Variants in AP3S2 observed in about 807,000 individuals in gnomAD.
The protein encoded by AP3S2 is adaptor related protein complex 3 subunit sigma 2, also known as AP-3 complex subunit sigma-2.
A neutral mutation model predicts 23.4 loss-of-function variants in AP3S2; 22 were observed. That is an observed-to-expected ratio of 0.94 (90% CI 0.67 to 1.34). The LOEUF (loss-of-function observed/expected upper bound fraction) is 1.34, where lower values mean the gene tolerates loss of function less well. AP3S2 is among the 40% of genes most tolerant of loss of function. The pLI is 0.00. For synonymous variants in AP3S2, 86 were observed against 87.1 expected, an observed-to-expected ratio of 0.99 and a Z score of 0.07; for missense variants, 241 against 236.9, an observed-to-expected ratio of 1.02 and a Z score of -0.11.
In AP3S2 at chr15:89,858,513, GAGAGAGAGAGAGAA is replaced by G. The variant is rs1482409642; in HGVS notation, c.345+12948_345+12961del. On this transcript the variant is annotated intron_variant, in intron 4 of 5. Coordinates refer to ENST00000336418, the MANE Select transcript of AP3S2 (RefSeq NM_005829.5). ...AAAGAAAGAGAGAGAGAGAGAGAGA[GAGAGAGAGAGAGAA>G]AGAAAGAAAGAAAGAAAGAAAGAAA... Among the ~76,000 whole-genome samples the G allele has an allele frequency of 9.9e-3, 512 of 51,914 alleles. 8 individuals are homozygous for G. The highest frequency in any genetic ancestry group is 0.028 in the African/African-American group (466 of 16,582). 34.1% of individuals were successfully genotyped at this position (51,914 alleles called of 152,430 possible).
intron 4 of AP3S2, among the ~76,000 whole-genome samples, chr15:89,861,749 G>A (rs1025315964): frequency 6.6e-6 from 1 of 152,046 alleles, no homozygotes; most frequent in Non-Finnish European, 1.5e-5. Context: ...TAGATTCAGT[G>A]AGGAATACAA....
At position 89,889,107 on chromosome 15, in the gene AP3S2, T is replaced by C; in HGVS notation, c.103A>G (p.Thr35Ala). Reference sequence around the variant, plus strand: ...TCCCGCTTGAGGACTAGATGGAAAGTCTCTCGAACAATCTGCTGTTGAATT... The same window carrying C: ...TCCCGCTTGAGGACTAGATGGAAAGCCTCTCGAACAATCTGCTGTTGAATT... ...EEIQQQIVRETFHLVLKRDDN... is the reference protein window; with the variant it reads ...EEIQQQIVREAFHLVLKRDDN... The change falls in exon 2 of 6, where the codon ACT becomes GCT. Residue 35 changes from threonine to alanine, a missense_variant. By Grantham distance (58) the Thr-to-Ala change is moderately conservative. Transcript: ENST00000336418. The C allele has an allele frequency of 6.2e-7, 1 of 1,614,182 alleles. No individual in the cohort carries two copies. The highest frequency in any genetic ancestry group is 8.5e-7 in the Non-Finnish European group (1 of 1,180,032).
chr15:89,888,574 C>A lies in AP3S2; in HGVS notation c.220G>T (p.Val74Leu), dbSNP rs758546896. The change falls in exon 3 of 6, where the codon GTA becomes TTA. Residue 74 changes from valine to leucine, a missense_variant. Val to Leu is a conservative substitution (Grantham distance 32). Transcript: ENST00000336418. ...CTCTCTGAGGAATCCACACAAAATA[C>A]AAAGTAGAGGGTAGCATAGTGCCGG... ...IYRHYATLYF[V>L]FCVDSSESEL... 3 of 1,614,066 alleles carry A rather than the reference C, an allele frequency of 1.9e-6. No homozygotes were observed. In the African/African-American group the frequency reaches 4.0e-5, roughly 22 times the overall value.
At chr15:89,881,266 T>C (rs1896563795) in intron 3 of AP3S2, among the ~76,000 whole-genome samples, 1 of 152,160 alleles carries the variant, frequency 6.6e-6, no homozygotes, top group Non-Finnish European at 1.5e-5. Context: ...TTACAGGCTG[T>C]AATAGGGGGC....
intron 4 of AP3S2, among the ~76,000 whole-genome samples, chr15:89,844,349 T>C (rs902848880): frequency 2.0e-5 from 3 of 151,318 alleles, no homozygotes; most frequent in Admixed American, 2.0e-4. Flanking sequence ...CTTTCTTTCT[T>C]TTTTTAGAGA....
At position 89,893,975 on chromosome 15, in the gene AP3S2, A is replaced by G; in HGVS notation, c.-26T>C. On this transcript the variant is annotated 5_prime_UTR_variant, in exon 1 of 6. Transcript: ENST00000336418. ...CTTTGCCAGCCACGGTTCTCTCAGC[A>G]CCGGCTACTCCCAGAAAGCTCCTCC... is the stretch of plus-strand genomic sequence containing the variant. 1 of 1,549,942 alleles carries G rather than the reference A, an allele frequency of 6.5e-7. No individual in the cohort carries two copies.
chr15:89,867,844 C>A (rs1486675703), intron 4 of AP3S2, among the ~76,000 whole-genome samples: 3 of 120,818 alleles, frequency 2.5e-5, no homozygotes. Context: ...AGTGAGGAGC[C>A]TCTCCGCCCG....
chr15:89,859,833 G>A (rs1257423953), intron 4 of AP3S2, among the ~76,000 whole-genome samples: 1 of 145,324 alleles, frequency 6.9e-6, no homozygotes, highest in East Asian at 2.0e-4. Flanking sequence ...GCGCGATCTC[G>A]GCTCACTGCA....
intron 3 of AP3S2, among the ~76,000 whole-genome samples, chr15:89,887,237 T>C (rs965445616): frequency 2.6e-5 from 4 of 152,248 alleles, no homozygotes; most frequent in Non-Finnish European, 5.9e-5. Context: ...GAATACGACG[T>C]ATGAAATTTT....
At chr15:89,858,200 G>C (rs1171442132) in intron 4 of AP3S2, among the ~76,000 whole-genome samples, 4 of 152,058 alleles carry the variant, frequency 2.6e-5, no homozygotes, top group Non-Finnish European at 5.9e-5. Flanking sequence ...CACTTTGGGA[G>C]GCTGAGACAG....
chr15:89,877,082 T>G (rs867742226), intron 3 of AP3S2: 3 of 297,166 alleles, frequency 1.0e-5, no homozygotes, highest in Non-Finnish European at 2.0e-5. Context: ...GACCAAAATG[T>G]CATATATATG....
At chr15:89,845,169 A>C (rs1895456459) in intron 4 of AP3S2, 1 of 152,190 alleles carries the variant, frequency 6.6e-6, no homozygotes, top group Non-Finnish European at 1.5e-5. Context: ...GGCCTCCCAA[A>C]GTCCTAGGAT....
At chr15:89,883,587 C>G (rs1896623461) in intron 3 of AP3S2, among the ~76,000 whole-genome samples, 1 of 152,028 alleles carries the variant, frequency 6.6e-6, no homozygotes, top group African/African-American at 2.4e-5. Flanking sequence ...CTATGTTGCC[C>G]AGGCTGGTCT....
At chr15:89,883,623 C>A (rs1896624440) in intron 3 of AP3S2, among the ~76,000 whole-genome samples, 1 of 152,070 alleles carries the variant, frequency 6.6e-6, no homozygotes, top group Non-Finnish European at 1.5e-5. Context: ...AAGTGATCCT[C>A]CTGCCTCAGG....
chr15:89,860,480 T>C (rs921255512), intron 4 of AP3S2, among the ~76,000 whole-genome samples: 4 of 152,174 alleles, frequency 2.6e-5, no homozygotes, highest in African/African-American at 9.7e-5. Context: ...GAGGGGATGA[T>C]TCCCATCCTG....
chr15:89,839,788 A>C (rs1357697533), intron 4 of AP3S2, among the ~76,000 whole-genome samples: 1 of 152,262 alleles, frequency 6.6e-6, no homozygotes, highest in African/African-American at 2.4e-5. Flanking sequence ...CGACTGGATC[A>C]ACAAAATGTG....
In AP3S2 at chr15:89,834,255, G is replaced by C. The variant is rs1008147607; in HGVS notation, c.*1260C>G. On this transcript the variant is annotated 3_prime_UTR_variant, in exon 6 of 6. Coordinates refer to ENST00000336418, the MANE Select transcript of AP3S2 (RefSeq NM_005829.5). ...TCCAGAAGCTGGCCCAGGTGGCAGT[G>C]GGTTCCCTATGGAGGCAGCTCATCA... The C allele has an allele frequency of 1.3e-5, 2 of 152,326 alleles. No individual in the cohort carries two copies. The highest frequency in any genetic ancestry group is 4.8e-5 in the African/African-American group (2 of 41,474). The allele number at this position is 152,326 out of a possible 1,614,324, so 9.4% of individuals were successfully genotyped here.
At chr15:89,846,666 A>G (rs1344077861) in intron 4 of AP3S2, among the ~76,000 whole-genome samples, 4 of 152,122 alleles carry the variant, frequency 2.6e-5, no homozygotes, top group Non-Finnish European at 5.9e-5. Flanking sequence ...AGCTGGGACT[A>G]CAGGCGTGTG....
At position 89,830,792 on chromosome 15, in the gene AP3S2, GC is replaced by G. The variant is rs1895061356; in HGVS notation, c.*4722del. 1 of 152,510 alleles carries G rather than the reference GC, an allele frequency of 6.6e-6. No homozygotes were observed. The highest frequency in any genetic ancestry group is 2.1e-4 in the South Asian group (1 of 4,830). The allele number at this position is 152,510 out of a possible 1,614,324, so 9.4% of individuals were successfully genotyped here. On this transcript the variant is annotated 3_prime_UTR_variant, in exon 6 of 6. Transcript: ENST00000336418. ...CATGGGAAAGGTACGCTGAGCAAGG[GC>G]GGGCAGTGCCAGGGCTGGGGTGCCA...
Sources: gnomAD v4.1 joint callset for allele counts (sites outside exome capture counted in the v4.1 genomes callset) on GRCh38, gnomAD v4.1.1 for gene constraint, MANE v1.5 for transcripts, NCBI Gene and HGNC (gene_info 2026-07-23, HGNC 2026-07-21) for gene names.